The following DSN1 variants were observed in gnomAD, a reference collection of about 807,000 sequenced individuals.
DSN1 encodes kinetochore-associated protein DSN1 homolog.
Under a neutral mutation model 45.7 loss-of-function variants are expected in DSN1, and 31 were observed. That is an observed-to-expected ratio of 0.68 (90% CI 0.51 to 0.92). The LOEUF (loss-of-function observed/expected upper bound fraction) is 0.92. Among genes scored for constraint, DSN1 ranks in the 40% least tolerant of loss-of-function variants. The probability of loss-of-function intolerance (pLI) is 0.00; values close to 1 mark genes in which losing one functional copy is unlikely to be tolerated. For missense variants in DSN1, 394 were observed against 414.2 expected, an observed-to-expected ratio of 0.95 and a Z score of 0.42; for synonymous variants, 134 against 142.3, an observed-to-expected ratio of 0.94 and a Z score of 0.41.
Position 36,755,727 on chromosome 20 carries a change from T to C in DSN1, c.828A>G (p.Lys276=). 6.2e-7 allele frequency: 1 copy of C among 1,614,124 alleles called. No individual in the cohort carries two copies. Among genetic ancestry groups the C allele is most frequent in the Non-Finnish European group, 8.5e-7 (1 of 1,180,024 alleles). ...EVLNTKPDYQ[K]ILQNQSKVFD... is the part of the protein sequence containing the mutation. ...AGACTTTGCTCTGGTTCTGTAATAT[T>C]TTCTGGTAGTCAGGTTTTGTATTAA... Residue 276 remains lysine, a synonymous_variant, in exon 9 of 11, where the codon AAA becomes AAG. Transcript: ENST00000373750.
chr20:36,758,534 A>AT (rs1986796234), intron 7 of DSN1, 24 bp downstream of exon 7: 1 of 1,586,020 alleles, frequency 6.3e-7, no homozygotes, highest in Non-Finnish European at 8.6e-7. Context: ...ACGAATTTAG[A>AT]TTTTCTAACA....
At position 36,766,769 on chromosome 20, in the gene DSN1, C is replaced by T; in HGVS notation, c.502G>A (p.Ala168Thr). The change falls in exon 5 of 11, where the codon GCA (alanine) becomes ACA (threonine). Residue 168 changes from alanine (A) to threonine (T), a missense_variant and splice_region_variant. Coordinates refer to ENST00000373750, the MANE Select transcript of DSN1 (RefSeq NM_001145315.2). ...GFSLESFRAK[A>T]SSLSEELKHF... ...GCTCACTCATCTGTTAGCAACTTAC[C>T]TTTGGCTCTAAAACTTTCAAGACTG... is the stretch of plus-strand genomic sequence containing the variant. 1 of 1,610,830 alleles carries T rather than the reference C, an allele frequency of 6.2e-7. No individual in the cohort carries two copies. Among genetic ancestry groups the T allele is most frequent in the Non-Finnish European group, 8.5e-7 (1 of 1,179,214 alleles).
In DSN1 at chr20:36,755,824, G is replaced by A. The variant is rs998460820; in HGVS notation, c.731C>T (p.Ser244Leu). 1.2e-6 allele frequency: 2 copies of A among 1,608,426 alleles called. No homozygotes were observed. Among genetic ancestry groups the A allele is most frequent in the African/African-American group, 1.3e-5 (1 of 74,496 alleles). The change falls in exon 9 of 11, where the codon TCA becomes TTA. Residue 244 changes from serine to leucine, a missense_variant. By Grantham distance (145) the Ser-to-Leu change is moderately radical. Coordinates refer to ENST00000373750, the MANE Select transcript of DSN1 (RefSeq NM_001145315.2). Reference protein sequence around the residue: ...QEAKEILSRGSTEAKITEVKV... With the variant: ...QEAKEILSRGLTEAKITEVKV... ...GACCTCAGTAATTTTGGCCTCAGTT[G>A]ATCCTCTAAAAACAAAACACAAGAG... is the stretch of plus-strand genomic sequence containing the variant.
intron 8 of DSN1, among the ~76,000 whole-genome samples, chr20:36,757,447 C>T (rs1444743875): frequency 6.6e-6 from 1 of 151,892 alleles, no homozygotes; most frequent in Admixed American, 6.6e-5. Context: ...CGCATCATGG[C>T]AGACACCTGT....
chr20:36,766,730 T>A, intron 5 of DSN1, 39 bp downstream of exon 5: 1 of 1,547,088 alleles, frequency 6.5e-7, no homozygotes, highest in Non-Finnish European at 8.8e-7. Context: ...AAGCTTTGAC[T>A]GCCCAGGGTC....
intron 6 of DSN1, among the ~76,000 whole-genome samples, chr20:36,760,970 C>T (rs1986950162): frequency 6.6e-6 from 1 of 152,238 alleles, no homozygotes; most frequent in African/African-American, 2.4e-5. Context: ...ATCCTAAAGA[C>T]CTTTGTGAAG....
At chr20:36,758,437 CT>C in intron 7 of DSN1, 120 bp downstream of exon 7, 1 of 832,114 alleles carries the variant, frequency 1.2e-6, no homozygotes, top group Non-Finnish European at 1.9e-6. Context: ...CTTCTAACTT[CT>C]AGTATTGATG....
intron 1 of DSN1, among the ~76,000 whole-genome samples, chr20:36,772,993 G>C (rs1306691349): frequency 6.6e-6 from 1 of 152,124 alleles, no homozygotes; most frequent in Non-Finnish European, 1.5e-5. Context: ...GTCTGTGGGG[G>C]GTGCTAAGTA....
At chr20:36,767,712 G>A (rs1228643720) in intron 4 of DSN1, among the ~76,000 whole-genome samples, 1 of 152,108 alleles carries the variant, frequency 6.6e-6, no homozygotes, top group Non-Finnish European at 1.5e-5. Flanking sequence ...GACAATTCTG[G>A]CAGACATGGT....
At chr20:36,767,913 T>C (rs1387813835) in intron 4 of DSN1, 56 bp downstream of exon 4, 2 of 1,560,914 alleles carry the variant, frequency 1.3e-6, no homozygotes, top group African/African-American at 1.4e-5. Context: ...AAACAAAAGA[T>C]TGTCACAATA....
intron 4 of DSN1, among the ~76,000 whole-genome samples, chr20:36,767,474 C>T (rs1203605453): frequency 6.6e-6 from 1 of 151,956 alleles, no homozygotes; most frequent in Non-Finnish European, 1.5e-5. Context: ...CACAATACAC[C>T]TTAAAAAAAG....
chr20:36,762,600 T>G (rs1601012937), intron 5 of DSN1, 52 bp from the exon 6 acceptor site: 2 of 1,531,044 alleles, frequency 1.3e-6, no homozygotes, highest in African/African-American at 2.7e-5. Context: ...TACGTTTTCA[T>G]AGTGAGATGC....
intron 5 of DSN1, among the ~76,000 whole-genome samples, chr20:36,764,861 A>C (rs566708908): frequency 6.6e-6 from 1 of 152,030 alleles, no homozygotes; most frequent in East Asian, 1.9e-4. Context: ...TGGAGGTTGC[A>C]GTGAGCCAAG....
At chr20:36,773,601 G>A in intron 1 of DSN1, 61 bp downstream of exon 1, 2 of 985,700 alleles carry the variant, frequency 2.0e-6, no homozygotes, top group Non-Finnish European at 2.4e-6. Flanking sequence ...CGGCGGGCGG[G>A]GCCACATCAG....
intron 9 of DSN1, 95 bp from the exon 10 acceptor site, chr20:36,754,945 C>T (rs894248586): frequency 9.8e-7 from 1 of 1,020,134 alleles, no homozygotes; most frequent in Non-Finnish European, 1.5e-6. Flanking sequence ...GAGCTCTGGG[C>T]TTGCTGTTCT....
chr20:36,764,494 C>A (rs1987204278), intron 5 of DSN1, among the ~76,000 whole-genome samples: 1 of 152,158 alleles, frequency 6.6e-6, no homozygotes, highest in African/African-American at 2.4e-5. Flanking sequence ...TATATTTACA[C>A]TATTAGCAGA....
Position 36,752,700 on chromosome 20 carries a change from C to A in DSN1, c.*88G>T. On this transcript the variant is annotated 3_prime_UTR_variant, in exon 11 of 11. Coordinates refer to ENST00000373750, the MANE Select transcript of DSN1 (RefSeq NM_001145315.2). The stretch of plus-strand genomic sequence containing the variant: ...TCCTGCCAGTTATCTTCAAAGGCAA[C>A]GAGCAGAAATCACGCAGTCACCACG... 9.4e-7 allele frequency: 1 copy of A among 1,063,578 alleles called. No individual in the cohort carries two copies. 65.9% of individuals were successfully genotyped at this position (1,063,578 alleles called of 1,614,324 possible).
chr20:36,771,252 C>CA (rs1188894551), intron 2 of DSN1, 59 bp from the exon 3 acceptor site: 177 of 1,544,690 alleles, frequency 1.1e-4, no homozygotes, highest in Non-Finnish European at 1.2e-5. Context: ...ACTATTTGTG[C>CA]AAAAAAGTGG....
chr20:36,772,548 C>A (rs538188030), intron 1 of DSN1, among the ~76,000 whole-genome samples: 1 of 152,302 alleles, frequency 6.6e-6, no homozygotes, highest in African/African-American at 2.4e-5. Flanking sequence ...CCTCAGCCTC[C>A]CAAAGTGCTG....
Sources: gnomAD v4.1 joint callset for allele counts (sites outside exome capture counted in the v4.1 genomes callset) on GRCh38, gnomAD v4.1.1 for gene constraint, MANE v1.5 for transcripts, NCBI Gene and HGNC (gene_info 2026-07-23, HGNC 2026-07-21) for gene names.